Variants in ARHGAP10 observed in about 807,000 individuals in gnomAD.
ARHGAP10 encodes the protein rho GTPase-activating protein 10.
ARHGAP10 carries 87 observed loss-of-function variants against 108.6 expected under a neutral mutation model. That is an observed-to-expected ratio of 0.80 (90% confidence interval 0.67 to 0.96). ARHGAP10 has a LOEUF of 0.96. ARHGAP10 is among the 40% of genes least tolerant of loss of function. ARHGAP10 has a pLI of 0.00. For missense variants in ARHGAP10, 939 were observed against 954.5 expected (o/e 0.98, Z 0.21); for synonymous variants, 347 against 341.1 (o/e 1.02, Z -0.19).
intron 18 of ARHGAP10, among the ~76,000 whole-genome samples, chr4:148,018,572 CAAA>C (rs397995742): frequency 2.7e-5 from 2 of 75,426 alleles, no homozygotes; most frequent in Non-Finnish European, 5.7e-5. Context: ...TTTGTATCCA[CAAA>C]AAAAAAAAAA....
intron 10 of ARHGAP10, among the ~76,000 whole-genome samples, chr4:147,887,843 CAG>C (rs1272390157): frequency 3.3e-5 from 5 of 150,868 alleles, no homozygotes; most frequent in African/African-American, 1.2e-4. Context: ...GCCTGGGCGA[CAG>C]AGCGAGACTC....
At chr4:147,820,135 C>G (rs868178263) in intron 1 of ARHGAP10, among the ~76,000 whole-genome samples, 1 of 151,894 alleles carries the variant, frequency 6.6e-6, no homozygotes, top group African/African-American at 2.4e-5. Flanking sequence ...GAGGAGTGGG[C>G]TAGTAAAGAT....
Position 148,072,135 on chromosome 4 carries a change from C to A in ARHGAP10, c.*54C>A. 1 of 1,518,732 alleles carries A rather than the reference C, an allele frequency of 6.6e-7. No homozygotes were observed. 94.1% of individuals were successfully genotyped at this position (1,518,732 alleles called of 1,614,324 possible). ...TGGCACCCAGGGACCTGCCTGGGGGCAGAGAGCTGTCTTCCTCCTCCGAGG... is the reference window on the plus strand; with the variant it reads ...TGGCACCCAGGGACCTGCCTGGGGGAAGAGAGCTGTCTTCCTCCTCCGAGG... On this transcript the variant is annotated 3_prime_UTR_variant, in exon 23 of 23. Transcript: ENST00000336498.
rs78334046 is a variant in ARHGAP10 at position 148,031,074 on chromosome 4, A to T, written c.1867+7661A>T. ...ACCCCATCTCCAACAACAACAACAA[A>T]AAAATGAATTTTGAGACTGGCATTT... On this transcript the variant is annotated intron_variant, in intron 19 of 22. Transcript: ENST00000336498. Among the ~76,000 whole-genome samples the T allele has an allele frequency of 5.8e-3, 878 of 152,216 alleles. 16 individuals carry two copies. Among genetic ancestry groups the T allele is most frequent in the Admixed American group, 0.038 (576 of 15,296 alleles).
intron 1 of ARHGAP10, among the ~76,000 whole-genome samples, chr4:147,756,114 C>T (rs1304655963): frequency 6.7e-6 from 1 of 148,692 alleles, no homozygotes; most frequent in Non-Finnish European, 1.5e-5. Context: ...ATTACACCCA[C>T]CCACTTACTA....
intron 10 of ARHGAP10, among the ~76,000 whole-genome samples, chr4:147,902,165 C>T (rs1363362595): frequency 6.6e-6 from 1 of 152,168 alleles, no homozygotes; most frequent in African/African-American, 2.4e-5. Flanking sequence ...GAATATTTCC[C>T]AAGCCCATTC....
At chr4:147,969,854 A>T (rs1739340784) in intron 18 of ARHGAP10, among the ~76,000 whole-genome samples, 1 of 152,178 alleles carries the variant, frequency 6.6e-6, no homozygotes, top group South Asian at 2.1e-4. Flanking sequence ...GTGGCTAGAT[A>T]GTTCTATGAA....
At chr4:148,041,591 A>G (rs1728634746) in intron 19 of ARHGAP10, among the ~76,000 whole-genome samples, 1 of 152,246 alleles carries the variant, frequency 6.6e-6, no homozygotes, top group Non-Finnish European at 1.5e-5. Context: ...AAATTATTAG[A>G]AATGGTAGAA....
In ARHGAP10 at chr4:147,856,997, T is replaced by A. The variant is rs1579122584; in HGVS notation, c.385-556T>A. The stretch of plus-strand genomic sequence containing the variant: ...CCTCCTGAGTAGCTGGGATTACAGG[T>A]GTGTGCCACCACACCCTGCTAACTT... On this transcript the variant is annotated intron_variant, in intron 4 of 22. Transcript: ENST00000336498. Among the ~76,000 whole-genome samples, 4 of 152,220 alleles carry A rather than the reference T, an allele frequency of 2.6e-5. No individual in the cohort carries two copies. The South Asian group carries it at 8.3e-4, about 32-fold the overall frequency.
At position 147,864,803 on chromosome 4, in the gene ARHGAP10, T is replaced by C. The variant is rs750466319; in HGVS notation, c.487-43T>C. 4 of 1,573,660 alleles carry C rather than the reference T, an allele frequency of 2.5e-6. No homozygotes were observed. The African/African-American group carries it at 4.1e-5, about 16-fold the overall frequency. ...TGACCTCTGATGTAGCGTTTCACTT[T>C]TCACCATCTCCAGTTTGACTAACCT... On this transcript the variant is annotated intron_variant, in intron 5 of 22. Coordinates refer to ENST00000336498, the MANE Select transcript of ARHGAP10 (RefSeq NM_024605.4).
At chr4:147,957,472 C>A (rs777881506) in intron 16 of ARHGAP10, among the ~76,000 whole-genome samples, 1 of 152,080 alleles carries the variant, frequency 6.6e-6, no homozygotes, top group Non-Finnish European at 1.5e-5. Context: ...GTTGGAAAAT[C>A]GGGATTGTGG....
In ARHGAP10 at chr4:147,903,036, A is replaced by G. The variant is rs185723745; in HGVS notation, c.1035-3602A>G. Among the ~76,000 whole-genome samples, 176 of 152,250 alleles carry G rather than the reference A, an allele frequency of 1.2e-3. 3 individuals carry two copies. In the East Asian group the frequency reaches 0.019, roughly 17 times the overall value. On this transcript the variant is annotated intron_variant, in intron 10 of 22. Transcript: ENST00000336498. ...TACCCCTATGATCAAGTCACCTCCCACCAGGCCCCTTCTCCAACTTTGGGA... is the reference window on the plus strand; with the variant it reads ...TACCCCTATGATCAAGTCACCTCCCGCCAGGCCCCTTCTCCAACTTTGGGA...
chr4:147,949,202 A>G (rs1212868489), intron 15 of ARHGAP10, among the ~76,000 whole-genome samples: 1 of 152,202 alleles, frequency 6.6e-6, no homozygotes, highest in Non-Finnish European at 1.5e-5. Context: ...CACTATTGTT[A>G]TTCCTGATTG....
intron 4 of ARHGAP10, chr4:147,854,811 A>G: frequency 3.0e-6 from 3 of 985,440 alleles, no homozygotes; most frequent in Non-Finnish European, 3.6e-6. Flanking sequence ...ACCATACCAT[A>G]TATGGACGAA....
At position 147,870,948 on chromosome 4, in the gene ARHGAP10, G is replaced by A. The variant is rs868013438; in HGVS notation, c.703-4073G>A. Among the ~76,000 whole-genome samples, 657 of 150,266 alleles carry A rather than the reference G, an allele frequency of 4.4e-3. 4 individuals carry two copies. The highest frequency in any genetic ancestry group is 0.014 in the African/African-American group (562 of 40,618). ...ACAGACTGTGTGTGTGTGTGTGTGT[G>A]TGTGTGTGTGTGTGTGTGTGTGTGT... On this transcript the variant is annotated intron_variant, in intron 7 of 22. Transcript: ENST00000336498.
At chr4:148,019,033 A>G (rs1741460149) in intron 18 of ARHGAP10, among the ~76,000 whole-genome samples, 1 of 152,222 alleles carries the variant, frequency 6.6e-6, no homozygotes, top group Non-Finnish European at 1.5e-5. Flanking sequence ...TTTATATCCA[A>G]AATTTCAGTG....
intron 16 of ARHGAP10, among the ~76,000 whole-genome samples, chr4:147,961,597 T>G (rs1319446155): frequency 6.6e-6 from 1 of 152,172 alleles, no homozygotes; most frequent in East Asian, 1.9e-4. Flanking sequence ...TTGATCTGCT[T>G]TACCTCTCTT....
At chr4:147,959,928 T>C (rs1235806294) in intron 16 of ARHGAP10, among the ~76,000 whole-genome samples, 1 of 152,220 alleles carries the variant, frequency 6.6e-6, no homozygotes, top group African/African-American at 2.4e-5. Flanking sequence ...CAAGATAGAC[T>C]CACAAGTTAG....
chr4:147,976,145 G>C (rs1474575505), intron 18 of ARHGAP10, among the ~76,000 whole-genome samples: 1 of 152,162 alleles, frequency 6.6e-6, no homozygotes, highest in African/African-American at 2.4e-5. Context: ...TAAAGAGATT[G>C]AGTGAGTAAT....
Sources: gnomAD v4.1 joint callset for allele counts (sites outside exome capture counted in the v4.1 genomes callset) on GRCh38, gnomAD v4.1.1 for gene constraint, MANE v1.5 for transcripts, NCBI Gene and HGNC (gene_info 2026-07-23, HGNC 2026-07-21) for gene names.